The following GRIN2B variants were observed in gnomAD, a reference collection of about 807,000 sequenced individuals.
GRIN2B encodes glutamate ionotropic receptor NMDA type subunit 2B.
GRIN2B carries 5 observed loss-of-function variants against 114.5 expected under a neutral mutation model. The ratio of observed to expected loss-of-function variants is 0.04; its 90% confidence interval spans 0.02 to 0.09. The LOEUF is 0.09. Among genes scored for constraint, GRIN2B ranks in the 10% least tolerant of loss-of-function variants. The pLI is 1.00. For missense variants in GRIN2B, 1,108 were observed against 1,943.5 expected (o/e 0.57, Z 8.08); for synonymous variants, 787 against 745.1 (o/e 1.06, Z -0.92).
chr12:13,717,654 T>C (rs1435021368), intron 4 of GRIN2B, among the ~76,000 whole-genome samples: 3 of 151,806 alleles, frequency 2.0e-5, no homozygotes, highest in East Asian at 1.9e-4. Flanking sequence ...TCATAACAGA[T>C]GGTTGTCTTA....
intron 4 of GRIN2B, among the ~76,000 whole-genome samples, chr12:13,676,342 TTAAAA>T (rs547941371): frequency 1.1e-3 from 166 of 152,224 alleles, no homozygotes; most frequent in African/African-American, 3.9e-3. Context: ...ACCCCAGAAC[TTAAAA>T]TTAAAAATAA....
At chr12:13,975,174 C>A (rs1005755024) in intron 2 of GRIN2B, among the ~76,000 whole-genome samples, 6 of 152,242 alleles carry the variant, frequency 3.9e-5, no homozygotes, top group Non-Finnish European at 7.3e-5. Context: ...GCCAAGGCCA[C>A]TAACCATGGT....
intron 4 of GRIN2B, among the ~76,000 whole-genome samples, chr12:13,721,352 T>TA (rs965341814): frequency 5.3e-5 from 8 of 151,158 alleles, no homozygotes; most frequent in African/African-American, 2.0e-4. Context: ...CTGATTTCCT[T>TA]AAAAAAAAAA....
chr12:13,634,419 C>A (rs1005576795), intron 5 of GRIN2B, among the ~76,000 whole-genome samples: 1 of 152,172 alleles, frequency 6.6e-6, no homozygotes, highest in Non-Finnish European at 1.5e-5. Flanking sequence ...GCAGGGCAGC[C>A]TTTTCTAAGC....
chr12:13,832,643 A>G (rs1865172001), intron 3 of GRIN2B, among the ~76,000 whole-genome samples: 1 of 152,180 alleles, frequency 6.6e-6, no homozygotes, highest in African/African-American at 2.4e-5. Flanking sequence ...ATTCTCTTCT[A>G]TAACATGATT....
chr12:13,904,347 CTTAAT>C (rs1866504791), intron 2 of GRIN2B, among the ~76,000 whole-genome samples: 1 of 151,974 alleles, frequency 6.6e-6, no homozygotes, highest in Non-Finnish European at 1.5e-5. Flanking sequence ...AATATGTCTA[CTTAAT>C]TTATCAAAGT....
intron 3 of GRIN2B, among the ~76,000 whole-genome samples, chr12:13,798,668 A>C (rs547088072): frequency 1.2e-4 from 19 of 152,290 alleles, no homozygotes; most frequent in African/African-American, 4.1e-4. Flanking sequence ...CTTCCACCAA[A>C]ACTAAGCATT....
intron 2 of GRIN2B, among the ~76,000 whole-genome samples, chr12:13,939,443 T>C (rs1867194041): frequency 6.6e-6 from 1 of 151,608 alleles, no homozygotes; most frequent in Admixed American, 6.6e-5. Flanking sequence ...TCTCCCTTGC[T>C]CCTTCTGTTG....
intron 3 of GRIN2B, among the ~76,000 whole-genome samples, chr12:13,818,371 C>CA (rs1187813300): frequency 1.3e-5 from 2 of 152,192 alleles, no homozygotes; most frequent in Non-Finnish European, 2.9e-5. Flanking sequence ...AATTCATGCC[C>CA]TGGTTGTTTG....
intron 6 of GRIN2B, among the ~76,000 whole-genome samples, chr12:13,616,116 C>T (rs1437166332): frequency 2.0e-5 from 3 of 152,146 alleles, no homozygotes; most frequent in Non-Finnish European, 4.4e-5. Context: ...AAAAATGGTT[C>T]TAAATCTCAA....
At chr12:13,917,901 TG>T (rs1469184957) in intron 2 of GRIN2B, among the ~76,000 whole-genome samples, 1 of 152,190 alleles carries the variant, frequency 6.6e-6, no homozygotes, top group African/African-American at 2.4e-5. Flanking sequence ...TTTTTGTTTT[TG>T]TTTTTGTTTT....
intron 3 of GRIN2B, among the ~76,000 whole-genome samples, chr12:13,755,586 T>C (rs576233969): frequency 6.6e-6 from 1 of 151,840 alleles, no homozygotes; most frequent in South Asian, 2.1e-4. Flanking sequence ...AATAGGTGAG[T>C]AGAAAAAAGG....
chr12:13,609,666 G>A (rs572335380), intron 9 of GRIN2B, among the ~76,000 whole-genome samples: 2 of 152,108 alleles, frequency 1.3e-5, no homozygotes, highest in South Asian at 2.1e-4. Flanking sequence ...CCAGCTATTC[G>A]GGAGCCTGAG....
intron 5 of GRIN2B, among the ~76,000 whole-genome samples, chr12:13,641,127 G>A (rs1367058608): frequency 6.6e-6 from 1 of 151,546 alleles, no homozygotes; most frequent in South Asian, 2.1e-4. Flanking sequence ...TCACCCAGAC[G>A]GTGGCACAAT....
intron 2 of GRIN2B, among the ~76,000 whole-genome samples, chr12:13,884,770 G>A (rs528309823): frequency 2.8e-4 from 43 of 152,018 alleles, no homozygotes; most frequent in Admixed American, 7.9e-4. Flanking sequence ...GTTCCTTTCC[G>A]TTTCCAGTTT....
intron 3 of GRIN2B, among the ~76,000 whole-genome samples, chr12:13,837,977 A>T (rs1224560351): frequency 1.3e-5 from 2 of 152,212 alleles, no homozygotes. Flanking sequence ...TGTTTAATAG[A>T]AAATACCATG....
At chr12:13,769,324 T>A (rs1863862744) in intron 3 of GRIN2B, among the ~76,000 whole-genome samples, 1 of 152,052 alleles carries the variant, frequency 6.6e-6, no homozygotes, top group Non-Finnish European at 1.5e-5. Flanking sequence ...TATTTCCCAT[T>A]CTGTTTTCAT....
intron 12 of GRIN2B, among the ~76,000 whole-genome samples, chr12:13,569,540 A>G (rs1948681095): frequency 6.6e-6 from 1 of 152,160 alleles, no homozygotes; most frequent in Non-Finnish European, 1.5e-5. Flanking sequence ...CATGAAACAG[A>G]TTCTCCCTTG....
At chr12:13,718,391 A>T (rs544603916) in intron 4 of GRIN2B, among the ~76,000 whole-genome samples, 11 of 152,014 alleles carry the variant, frequency 7.2e-5, no homozygotes, top group Non-Finnish European at 1.5e-4. Flanking sequence ...GTGAAAGTCC[A>T]CATATAGTTT....
Sources: allele counts gnomAD v4.1 joint callset (sites outside exome capture counted in the v4.1 genomes callset), GRCh38; gene constraint gnomAD v4.1.1; transcripts MANE v1.5; gene names NCBI Gene and HGNC (gene_info 2026-07-23, HGNC 2026-07-21).